The following COX6B1 variants were observed in gnomAD, a reference collection of about 807,000 sequenced individuals.
COX6B1 encodes cytochrome c oxidase subunit 6B1.
Under a neutral mutation model 14.0 loss-of-function variants are expected in COX6B1, and 2 were observed. The ratio of observed to expected loss-of-function variants is 0.14; its 90% CI spans 0.06 to 0.45. The LOEUF is 0.45. Among genes scored for constraint, COX6B1 ranks in the 20% least tolerant of loss-of-function variants. The pLI, the probability that COX6B1 is intolerant of heterozygous loss-of-function variation, is 0.98. For missense variants in COX6B1, 81 were observed against 114.2 expected, an observed-to-expected ratio of 0.71 and a Z score of 1.33; for synonymous variants, 30 against 39.7, an observed-to-expected ratio of 0.76 and a Z score of 0.92.
chr19:35,657,944 A>T (rs1472956945), intron 3 of COX6B1, among the ~76,000 whole-genome samples: 5 of 152,092 alleles, frequency 3.3e-5, no homozygotes, highest in Non-Finnish European at 7.4e-5. Flanking sequence ...GGCGTGAGCC[A>T]CCATGCCCGG....
At chr19:35,648,453 G>T (rs1412506260) in intron 1 of COX6B1, 50 bp downstream of exon 1, 3 of 208,334 alleles carry the variant, frequency 1.4e-5, no homozygotes, top group Non-Finnish European at 3.0e-5. Context: ...GCGGGCTGAG[G>T]AGCCGGACCC....
intron 3 of COX6B1, among the ~76,000 whole-genome samples, chr19:35,655,755 GTCTCTCTCTCTCTCTCTC>G (rs3038413): frequency 1.4e-5 from 2 of 145,966 alleles, no homozygotes; most frequent in South Asian, 2.3e-4. Flanking sequence ...CACTGTGCCT[GTCTCTCTCTCTCTCTCTC>G]TCTCTCTCTC....
At chr19:35,653,986 G>C (rs1967859999) in intron 2 of COX6B1, among the ~76,000 whole-genome samples, 1 of 152,120 alleles carries the variant, frequency 6.6e-6, no homozygotes, top group African/African-American at 2.4e-5. Context: ...TTACAGGCCT[G>C]AGCCACCATG....
At chr19:35,658,516 G>T (rs975955484) in intron 3 of COX6B1, 78 bp from the exon 4 acceptor site, 3 of 1,326,774 alleles carry the variant, frequency 2.3e-6, no homozygotes, top group African/African-American at 1.4e-5. Flanking sequence ...GAACAAACAG[G>T]TGGGCAAAGT....
chr19:35,655,781 C>T (rs926872077), intron 3 of COX6B1, among the ~76,000 whole-genome samples: 7 of 143,096 alleles, frequency 4.9e-5, no homozygotes, highest in Non-Finnish European at 7.7e-5. Flanking sequence ...CTCTCTCTCT[C>T]TCTCTCTTTG....
At chr19:35,649,398 C>A (rs1226774179) in intron 1 of COX6B1, among the ~76,000 whole-genome samples, 1 of 152,042 alleles carries the variant, frequency 6.6e-6, no homozygotes, top group African/African-American at 2.4e-5. Flanking sequence ...TGGCTCACTG[C>A]AACCTCTGCT....
chr19:35,656,094 C>T (rs1021471678), intron 3 of COX6B1, among the ~76,000 whole-genome samples: 2 of 151,954 alleles, frequency 1.3e-5, no homozygotes, highest in Non-Finnish European at 2.9e-5. Flanking sequence ...CCTCCCAAAG[C>T]GCTGGGATTA....
intron 1 of COX6B1, 111 bp from the exon 2 acceptor site, chr19:35,651,122 G>A: frequency 1.4e-6 from 1 of 737,978 alleles, no homozygotes; most frequent in Non-Finnish European, 2.5e-6. Context: ...GCAGGAACTT[G>A]TTCACACCCA....
intron 3 of COX6B1, among the ~76,000 whole-genome samples, chr19:35,656,428 A>G (rs1967889730): frequency 6.6e-6 from 1 of 152,006 alleles, no homozygotes; most frequent in Admixed American, 6.6e-5. Context: ...TATGTAAATA[A>G]AGTAGGCACA....
Position 35,648,402 on chromosome 19 carries a change from A to C in COX6B1, c.-13A>C, listed in dbSNP as rs1378592267. 6.1e-6 allele frequency: 1 copy of C among 164,240 alleles called. No individual in the cohort carries two copies. Among genetic ancestry groups the C allele is most frequent in the Non-Finnish European group, 1.3e-5 (1 of 74,274 alleles). 10.2% of individuals were successfully genotyped at this position (164,240 alleles called of 1,614,324 possible). A position where few individuals can be genotyped will look rare whatever the true frequency, so the allele number is the denominator to read the frequency against. ...TGCAGGTTGAATCCGGGGTGCCTTT[A>C]GGTGAGTGTGGAGGGTTCTGTAACC... On this transcript the variant is annotated splice_region_variant and 5_prime_UTR_variant, in exon 1 of 4. Coordinates refer to ENST00000649813, the MANE Select transcript of COX6B1 (RefSeq NM_001863.5).
Position 35,651,665 on chromosome 19 carries a change from G to A in COX6B1, c.106+316G>A, listed in dbSNP as rs181969785. Among the ~76,000 whole-genome samples the A allele has an allele frequency of 1.4e-4, 21 of 151,598 alleles. No homozygotes were observed. In the East Asian group the frequency reaches 3.9e-3, roughly 28 times the overall value. On this transcript the variant is annotated intron_variant, in intron 2 of 3. Coordinates refer to ENST00000649813, the MANE Select transcript of COX6B1 (RefSeq NM_001863.5). The stretch of plus-strand genomic sequence containing the variant: ...TAGCTCACTGCAGCCTCAACCTCCT[G>A]GGCTCAAGAGGTCCCCCTACCTCAG...
At chr19:35,650,483 G>A (rs1426486229) in intron 1 of COX6B1, among the ~76,000 whole-genome samples, 1 of 152,102 alleles carries the variant, frequency 6.6e-6, no homozygotes, top group Non-Finnish European at 1.5e-5. Flanking sequence ...AGGCCAAGCC[G>A]GGCAGATCAT....
chr19:35,651,677 T>G (rs1000239950), intron 2 of COX6B1, among the ~76,000 whole-genome samples: 2 of 151,498 alleles, frequency 1.3e-5, no homozygotes, highest in African/African-American at 4.9e-5. Context: ...GCTCAAGAGG[T>G]CCCCCTACCT....
At chr19:35,657,508 G>T (rs747870634) in intron 3 of COX6B1, among the ~76,000 whole-genome samples, 4 of 151,926 alleles carry the variant, frequency 2.6e-5, no homozygotes, top group Non-Finnish European at 2.9e-5. Context: ...TGGGGCTCGG[G>T]GACCCCTGCC....
intron 2 of COX6B1, among the ~76,000 whole-genome samples, chr19:35,653,404 C>G (rs1568342846): frequency 6.6e-6 from 1 of 151,300 alleles, no homozygotes. Flanking sequence ...TCCTGAGTAG[C>G]TGGGACTACA....
intron 3 of COX6B1, 140 bp from the exon 4 acceptor site, chr19:35,658,454 C>T: frequency 1.4e-6 from 1 of 722,808 alleles, no homozygotes; most frequent in African/African-American, 1.7e-5. Context: ...TGCTGATTCC[C>T]CGGCCTCTAG....
chr19:35,657,556 C>T (rs149916787), intron 3 of COX6B1, among the ~76,000 whole-genome samples: 53 of 151,486 alleles, frequency 3.5e-4, no homozygotes, highest in African/African-American at 1.2e-3. Flanking sequence ...TATATAAAAA[C>T]GTTTATGCTT....
intron 2 of COX6B1, 152 bp from the exon 3 acceptor site, chr19:35,654,419 C>A (rs771239279): frequency 1.5e-6 from 1 of 671,410 alleles, no homozygotes; most frequent in Non-Finnish European, 2.7e-6. Context: ...GCAGGAGAAT[C>A]ACTTGAACCC....
intron 1 of COX6B1, among the ~76,000 whole-genome samples, chr19:35,650,301 C>T (rs1014723762): frequency 2.6e-5 from 4 of 152,302 alleles, no homozygotes; most frequent in African/African-American, 4.8e-5. Flanking sequence ...CCGCACCCGG[C>T]GAAAATTGTA....
Sources: gnomAD v4.1 joint callset for allele counts (sites outside exome capture counted in the v4.1 genomes callset) on GRCh38, gnomAD v4.1.1 for gene constraint, MANE v1.5 for transcripts, NCBI Gene and HGNC (gene_info 2026-07-23, HGNC 2026-07-21) for gene names.